STAG1: variants seen among roughly 807,000 people sequenced by gnomAD.
The protein encoded by STAG1 is cohesin subunit SA-1.
In STAG1, 26 loss-of-function variants were observed where a neutral mutation model predicts 170.9. That is an observed-to-expected ratio of 0.15 (90% CI 0.11 to 0.21). The LOEUF (loss-of-function observed/expected upper bound fraction) is 0.21, where lower values mean the gene tolerates loss of function less well. STAG1 is among the 10% of genes least tolerant of loss of function. The probability of loss-of-function intolerance (pLI) is 1.00; values close to 1 mark genes in which losing one functional copy is unlikely to be tolerated. For missense variants in STAG1, 964 were observed against 1,509.5 expected (o/e 0.64, Z 5.99); for synonymous variants, 514 against 497.7 (o/e 1.03, Z -0.44).
At chr3:136,591,760 T>C (rs914961637) in intron 4 of STAG1, among the ~76,000 whole-genome samples, 2 of 152,132 alleles carry the variant, frequency 1.3e-5, no homozygotes, top group African/African-American at 2.4e-5. Context: ...AAGAACTAAA[T>C]GCAAGAAAGA....
intron 4 of STAG1, among the ~76,000 whole-genome samples, chr3:136,571,949 G>A (rs1179368165): frequency 2.0e-5 from 3 of 151,960 alleles, no homozygotes; most frequent in South Asian, 2.1e-4. Context: ...TTGGGAGGCC[G>A]AGATGGGTGG....
intron 22 of STAG1, among the ~76,000 whole-genome samples, chr3:136,382,760 CCTT>C (rs1215788273): frequency 1.3e-5 from 2 of 151,990 alleles, no homozygotes; most frequent in Non-Finnish European, 2.9e-5. Flanking sequence ...GGACTAAAGA[CCTT>C]CTTTAGCAAT....
At chr3:136,600,862 GTTTGTTTGT>G (rs376269030) in intron 4 of STAG1, among the ~76,000 whole-genome samples, 1,113 of 104,494 alleles carry the variant, frequency 0.011, 10 homozygotes, top group East Asian at 0.062. Context: ...GTTGTTGTTT[GTTTGTTTGT>G]TTTGTTTTGT....
chr3:136,466,512 C>G (rs1298810412), intron 12 of STAG1, among the ~76,000 whole-genome samples: 5 of 152,010 alleles, frequency 3.3e-5, no homozygotes, highest in African/African-American at 7.2e-5. Context: ...GTAAAAAGAC[C>G]AAATCTACGT....
At chr3:136,632,641 G>A (rs1334700307) in intron 1 of STAG1, among the ~76,000 whole-genome samples, 3 of 152,110 alleles carry the variant, frequency 2.0e-5, no homozygotes, top group Non-Finnish European at 2.9e-5. Context: ...GTCTAAGGAG[G>A]AAAATATGTT....
intron 9 of STAG1, among the ~76,000 whole-genome samples, chr3:136,487,542 C>A (rs181140273): frequency 6.2e-4 from 94 of 152,240 alleles, no homozygotes; most frequent in African/African-American, 2.0e-3. Context: ...CATGTGGGGC[C>A]AGAGAGCCTA....
At chr3:136,479,181 C>T (rs1396209760) in intron 9 of STAG1, among the ~76,000 whole-genome samples, 4 of 145,670 alleles carry the variant, frequency 2.7e-5, no homozygotes, top group South Asian at 2.2e-4. Context: ...CACCCACCAA[C>T]GTGTCATCTA....
At chr3:136,557,138 A>G (rs1936655449) in intron 5 of STAG1, among the ~76,000 whole-genome samples, 1 of 152,050 alleles carries the variant, frequency 6.6e-6, no homozygotes, top group African/African-American at 2.4e-5. Context: ...TTGGGAAGCT[A>G]AAGTGGGAGG....
chr3:136,534,430 TAAA>T (rs1170578656), intron 6 of STAG1, among the ~76,000 whole-genome samples: 1 of 150,186 alleles, frequency 6.7e-6, no homozygotes, highest in Non-Finnish European at 1.5e-5. Context: ...AAACTAAAAA[TAAA>T]AAAGCACAGC....
intron 2 of STAG1, among the ~76,000 whole-genome samples, chr3:136,628,320 T>C (rs187643008): frequency 1.3e-5 from 2 of 152,290 alleles, no homozygotes; most frequent in Admixed American, 6.5e-5. Flanking sequence ...GGTAGTTCTT[T>C]ATAGCAGTGT....
At chr3:136,666,613 T>G (rs746166556) in intron 1 of STAG1, among the ~76,000 whole-genome samples, 11 of 150,764 alleles carry the variant, frequency 7.3e-5, no homozygotes, top group Non-Finnish European at 1.3e-4. Flanking sequence ...AGGTCAGGAG[T>G]TCAAGACCAG....
chr3:136,437,118 C>T (rs1294904160), intron 15 of STAG1, among the ~76,000 whole-genome samples: 1 of 152,204 alleles, frequency 6.6e-6, no homozygotes, highest in Non-Finnish European at 1.5e-5. Flanking sequence ...GAAGAAAACA[C>T]AGTCTTACGG....
chr3:136,442,231 G>C (rs1400517596), intron 15 of STAG1, among the ~76,000 whole-genome samples: 3 of 152,122 alleles, frequency 2.0e-5, no homozygotes, highest in African/African-American at 7.2e-5. Flanking sequence ...TGATTCTGAA[G>C]ACCATGTTCA....
intron 1 of STAG1, among the ~76,000 whole-genome samples, chr3:136,645,147 T>C (rs1370338693): frequency 6.6e-6 from 1 of 152,216 alleles, no homozygotes; most frequent in Non-Finnish European, 1.5e-5. Context: ...ATTTTGCTTT[T>C]TAAGTCCCAA....
chr3:136,468,529 A>G (rs1394172452), intron 12 of STAG1, among the ~76,000 whole-genome samples: 1 of 152,134 alleles, frequency 6.6e-6, no homozygotes, highest in Non-Finnish European at 1.5e-5. Flanking sequence ...CCTACCAACC[A>G]AAAAAAGTCC....
intron 5 of STAG1, among the ~76,000 whole-genome samples, chr3:136,544,833 T>C (rs186396073): frequency 8.5e-5 from 13 of 152,256 alleles, no homozygotes; most frequent in Admixed American, 5.9e-4. Context: ...CTAAGTGTGA[T>C]TGAAATACAC....
At chr3:136,475,228 C>T (rs2089719979) in intron 10 of STAG1, among the ~76,000 whole-genome samples, 1 of 143,984 alleles carries the variant, frequency 6.9e-6, no homozygotes, top group South Asian at 2.3e-4. Flanking sequence ...CTCACTGCAA[C>T]CTCCGCCTCC....
At chr3:136,511,728 C>G (rs1934074762) in intron 7 of STAG1, among the ~76,000 whole-genome samples, 1 of 152,134 alleles carries the variant, frequency 6.6e-6, no homozygotes, top group Non-Finnish European at 1.5e-5. Flanking sequence ...ACAAAATAAT[C>G]TGTACAACAA....
chr3:136,471,233 A>T (rs1366839254), intron 12 of STAG1, among the ~76,000 whole-genome samples: 3 of 152,164 alleles, frequency 2.0e-5, no homozygotes, highest in Non-Finnish European at 4.4e-5. Context: ...ACTTCTCTTT[A>T]AAAAAGATGA....
Sources: allele counts gnomAD v4.1 joint callset (sites outside exome capture counted in the v4.1 genomes callset), GRCh38; gene constraint gnomAD v4.1.1; transcripts MANE v1.5; gene names NCBI Gene and HGNC (gene_info 2026-07-23, HGNC 2026-07-21).